The following BRINP1 variants were observed in gnomAD, a reference collection of about 807,000 sequenced individuals.
The protein encoded by BRINP1 is BMP/retinoic acid inducible neural specific 1.
Under a neutral mutation model 72.9 loss-of-function variants are expected in BRINP1, and 17 were observed. The observed-to-expected ratio is 0.23, with a 90% confidence interval of 0.16 to 0.35. BRINP1 has a LOEUF of 0.35. Ranked by LOEUF, BRINP1 falls within the 10% of genes least tolerant of loss-of-function variation. The probability of loss-of-function intolerance (pLI) is 1.00; values close to 1 mark genes in which losing one functional copy is unlikely to be tolerated. For synonymous variants in BRINP1, 418 were observed against 378.5 expected (o/e 1.10, Z -1.21); for missense variants, 850 against 1,001.6 (o/e 0.85, Z 2.04).
At chr9:119,342,758 TAAGACATA>T in intron 1 of BRINP1, among the ~76,000 whole-genome samples, 1 of 152,350 alleles carries the variant, frequency 6.6e-6, no homozygotes, top group South Asian at 2.1e-4. Flanking sequence ...TCCCTGTTCT[TAAGACATA>T]ATTACTATTT....
At chr9:119,339,906 A>G (rs76831438) in intron 1 of BRINP1, among the ~76,000 whole-genome samples, 2,656 of 152,244 alleles carry the variant, frequency 0.017, 97 homozygotes, top group African/African-American at 0.061. Context: ...TCTCATGAAC[A>G]GTCTTGTTCC....
At chr9:119,303,101 T>A (rs1830956359) in intron 2 of BRINP1, among the ~76,000 whole-genome samples, 1 of 152,148 alleles carries the variant, frequency 6.6e-6, no homozygotes, top group Admixed American at 6.5e-5. Context: ...TTCTTTCTCA[T>A]ACAAAGCACA....
intron 1 of BRINP1, among the ~76,000 whole-genome samples, chr9:119,347,983 G>A (rs993884587): frequency 6.6e-5 from 10 of 152,190 alleles, no homozygotes; most frequent in African/African-American, 1.7e-4. Context: ...ATCACCCAAA[G>A]TCCATAGTTT....
chr9:119,188,711 G>A (rs1829652528), intron 7 of BRINP1, among the ~76,000 whole-genome samples: 1 of 152,160 alleles, frequency 6.6e-6, no homozygotes, highest in Non-Finnish European at 1.5e-5. Context: ...GAACCCAGGA[G>A]TTTGAGGCTA....
intron 7 of BRINP1, among the ~76,000 whole-genome samples, chr9:119,187,109 T>A (rs1829631060): frequency 6.6e-6 from 1 of 151,866 alleles, no homozygotes; most frequent in African/African-American, 2.4e-5. Flanking sequence ...TGAAGTGCCT[T>A]GGAATCGTAA....
intron 7 of BRINP1, among the ~76,000 whole-genome samples, chr9:119,169,629 A>G (rs1182946558): frequency 1.3e-5 from 2 of 152,324 alleles, no homozygotes; most frequent in Non-Finnish European, 2.9e-5. Flanking sequence ...GGAGCCCACC[A>G]CAGCTCAAGG....
At chr9:119,299,339 C>A (rs371877166) in intron 2 of BRINP1, among the ~76,000 whole-genome samples, 3 of 152,102 alleles carry the variant, frequency 2.0e-5, no homozygotes, top group African/African-American at 4.8e-5. Context: ...GTGGGCCGGG[C>A]GCGGTGGCTC....
intron 7 of BRINP1, among the ~76,000 whole-genome samples, chr9:119,174,060 G>A (rs543795931): frequency 1.6e-4 from 22 of 134,702 alleles, no homozygotes; most frequent in Non-Finnish European, 3.0e-4. Flanking sequence ...GCGTGGGCAA[G>A]GACTTCATGT....
intron 1 of BRINP1, among the ~76,000 whole-genome samples, chr9:119,355,643 G>T (rs1362994501): frequency 6.6e-6 from 1 of 151,638 alleles, no homozygotes; most frequent in Non-Finnish European, 1.5e-5. Context: ...GCAGGAGAAT[G>T]GTGTGAACCT....
At chr9:119,319,095 G>A (rs1339152933) in intron 1 of BRINP1, among the ~76,000 whole-genome samples, 4 of 151,986 alleles carry the variant, frequency 2.6e-5, no homozygotes, top group Admixed American at 6.6e-5. Context: ...CAAAGAATAC[G>A]GGACCCCACA....
chr9:119,218,204 AT>A (rs139945643), intron 5 of BRINP1, among the ~76,000 whole-genome samples: 34,682 of 122,776 alleles, frequency 0.28, 4,418 homozygotes, highest in African/African-American at 0.43. Context: ...TCAAATAAAT[AT>A]TTTTTTTTTT....
intron 7 of BRINP1, among the ~76,000 whole-genome samples, chr9:119,170,775 CA>C (rs1290388956): frequency 9.9e-5 from 13 of 131,378 alleles, no homozygotes; most frequent in African/African-American, 4.1e-4. Context: ...AGACTAACAG[CA>C]GATCTCTCGG....
At position 119,249,030 on chromosome 9, in the gene BRINP1, G is replaced by C. The variant is rs745711283; in HGVS notation, c.339C>G (p.Thr113=). The C allele has an allele frequency of 6.2e-7, 1 of 1,614,128 alleles. No homozygotes were observed. The highest frequency in any genetic ancestry group is 1.1e-5 in the South Asian group (1 of 91,066). Residue 113 remains threonine, a synonymous_variant, in exon 3 of 8, where the codon ACC becomes ACG. Transcript: ENST00000265922. The stretch of plus-strand genomic sequence containing the variant: ...TGATGGTATCGATGAACTGCTGAGT[G>C]GTAGGTCTCCTGCCAAGCAGGCGGA... ...RSIRLLGRRP[T]TQQFIDTIIK... is the part of the protein sequence containing the mutation.
intron 2 of BRINP1, among the ~76,000 whole-genome samples, chr9:119,311,990 C>T (rs1286222955): frequency 6.6e-6 from 1 of 152,196 alleles, no homozygotes; most frequent in Non-Finnish European, 1.5e-5. Flanking sequence ...GTAGAAGACA[C>T]TGCCCATCTC....
intron 1 of BRINP1, among the ~76,000 whole-genome samples, chr9:119,324,001 A>G (rs1831214400): frequency 6.6e-6 from 1 of 152,208 alleles, no homozygotes; most frequent in African/African-American, 2.4e-5. Context: ...CTTTCATCCA[A>G]ATGTCAGAGG....
At chr9:119,260,718 C>T (rs763161691) in intron 2 of BRINP1, among the ~76,000 whole-genome samples, 4 of 152,112 alleles carry the variant, frequency 2.6e-5, no homozygotes, top group Non-Finnish European at 5.9e-5. Flanking sequence ...ATAAAAACTG[C>T]CCAGGTCACA....
intron 2 of BRINP1, among the ~76,000 whole-genome samples, chr9:119,261,149 G>A (rs1430778655): frequency 6.6e-6 from 1 of 152,194 alleles, no homozygotes; most frequent in Non-Finnish European, 1.5e-5. Context: ...AGATACTGAA[G>A]CAGAGTTTGC....
chr9:119,224,621 G>A (rs993482715), intron 5 of BRINP1, among the ~76,000 whole-genome samples: 1 of 152,056 alleles, frequency 6.6e-6, no homozygotes, highest in Non-Finnish European at 1.5e-5. Flanking sequence ...CATATTTCGT[G>A]TCAGCTGTGC....
chr9:119,292,798 T>G (rs893325285), intron 2 of BRINP1, among the ~76,000 whole-genome samples: 1 of 152,214 alleles, frequency 6.6e-6, no homozygotes, highest in Non-Finnish European at 1.5e-5. Flanking sequence ...GAGGGTTTTT[T>G]GTTGCTGTTA....
Sources: gnomAD v4.1 joint callset for allele counts (sites outside exome capture counted in the v4.1 genomes callset) on GRCh38, gnomAD v4.1.1 for gene constraint, MANE v1.5 for transcripts, NCBI Gene and HGNC (gene_info 2026-07-23, HGNC 2026-07-21) for gene names.